The following HRH2 variants were observed in gnomAD, a reference collection of about 807,000 sequenced individuals.
HRH2 encodes the protein histamine H2 receptor.
HRH2 carries 4 observed loss-of-function variants against 20.1 expected under a neutral mutation model. The ratio of observed to expected loss-of-function variants is 0.20; its 90% CI spans 0.10 to 0.45. The LOEUF (loss-of-function observed/expected upper bound fraction) is 0.45. HRH2 is among the 20% of genes least tolerant of loss of function. HRH2 has a pLI of 0.99. For synonymous variants in HRH2, 197 were observed against 200.7 expected (o/e 0.98, Z 0.16); for missense variants, 250 against 461.6 (o/e 0.54, Z 4.20).
intron 1 of HRH2, among the ~76,000 whole-genome samples, chr5:175,663,767 A>G (rs552276907): frequency 6.6e-6 from 1 of 152,318 alleles, no homozygotes; most frequent in Non-Finnish European, 1.5e-5. Context: ...GCCCCCCTCT[A>G]GCACACTTCA....
rs1452555097 is a variant in HRH2 at position 175,681,037 on chromosome 5, A to G, written c.-525-1672A>G. 6.6e-6 allele frequency among the ~76,000 whole-genome samples: 1 copy of G among 152,170 alleles called. No homozygotes were observed. The highest frequency in any genetic ancestry group is 2.4e-5 in the African/African-American group (1 of 41,424). ...GACCCCTCATCCAAACATGAACTCA[A>G]ATGTCAGCCTGATGCCAAAATACCT... On this transcript the variant is annotated intron_variant, in intron 1 of 2. Transcript: ENST00000636584. This position sits in a 1 kb window ranked among gnomAD's most constrained non-coding sequence, Gnocchi z 4.3.
chr5:175,695,671 C>T (rs1212782060), intron 2 of HRH2, among the ~76,000 whole-genome samples: 2 of 152,318 alleles, frequency 1.3e-5, no homozygotes, highest in African/African-American at 4.8e-5. Context: ...CCAGCGACAT[C>T]GGAAGGTTAT....
rs1304695193 is a variant in HRH2, at chr5:175,681,586, T to G, written c.-525-1123T>G. On this transcript the variant is annotated intron_variant, in intron 1 of 2. Coordinates refer to ENST00000636584, the MANE Select transcript of HRH2 (RefSeq NM_001367711.1). This position sits in a 1 kb window ranked among gnomAD's most constrained non-coding sequence, Gnocchi z 4.3. ...TACAGCCACCACTGGGAGGGAGCCT[T>G]GGAGATTACCTAGTGACCAGGGGCT... is the stretch of plus-strand genomic sequence containing the variant. Among the ~76,000 whole-genome samples, 1 of 152,154 alleles carries G rather than the reference T, an allele frequency of 6.6e-6. No individual in the cohort carries two copies. Among genetic ancestry groups the G allele is most frequent in the Non-Finnish European group, 1.5e-5 (1 of 68,004 alleles).
intron 2 of HRH2, among the ~76,000 whole-genome samples, chr5:175,697,806 A>G (rs11953457): frequency 0.22 from 33,195 of 152,022 alleles, 6,827 homozygotes; most frequent in African/African-American, 0.55. Flanking sequence ...TCAGCCCCAT[A>G]CTTCTTCCTC....
rs1355661180 is a variant in HRH2 at position 175,693,575 on chromosome 5, G to T, written c.1076+9266G>T. Among the ~76,000 whole-genome samples, 1 of 152,174 alleles carries T rather than the reference G, an allele frequency of 6.6e-6. No homozygotes were observed. Among genetic ancestry groups the T allele is most frequent in the African/African-American group, 2.4e-5 (1 of 41,432 alleles). ...GGACTGGCTGTCCCCAGTGCCCAGAGGATTCAAGGAACTTCTCCTTCTCAT... is the reference window on the plus strand; with the variant it reads ...GGACTGGCTGTCCCCAGTGCCCAGATGATTCAAGGAACTTCTCCTTCTCAT... On this transcript the variant is annotated intron_variant, in intron 2 of 2. Coordinates refer to ENST00000636584, the MANE Select transcript of HRH2 (RefSeq NM_001367711.1). This position sits in a 1 kb window ranked among gnomAD's most constrained non-coding sequence, Gnocchi z 4.4.
At chr5:175,692,049 T>TG (rs1200180332) in intron 2 of HRH2, among the ~76,000 whole-genome samples, 1 of 152,094 alleles carries the variant, frequency 6.6e-6, no homozygotes, top group Non-Finnish European at 1.5e-5. Context: ...CACAACCGTA[T>TG]GGGGGCTGCA....
At chr5:175,664,109 G>T (rs56693056) in intron 1 of HRH2, among the ~76,000 whole-genome samples, 1 of 152,106 alleles carries the variant, frequency 6.6e-6, no homozygotes, top group Admixed American at 6.5e-5. Flanking sequence ...CTGCAGGAGC[G>T]TGTGGCAGCT....
intron 2 of HRH2, among the ~76,000 whole-genome samples, chr5:175,706,053 C>T (rs896419805): frequency 2.0e-5 from 3 of 152,086 alleles, no homozygotes; most frequent in African/African-American, 4.8e-5. Flanking sequence ...TAAACAATAA[C>T]AAAAGGTTAG....
chr5:175,688,021 C>T (rs1342885839), intron 2 of HRH2, among the ~76,000 whole-genome samples: 2 of 152,200 alleles, frequency 1.3e-5, no homozygotes, highest in Non-Finnish European at 2.9e-5. Context: ...CCTTTCCCCA[C>T]TTGTAGGCAG....
chr5:175,690,216 G>T (rs959407066), intron 2 of HRH2, among the ~76,000 whole-genome samples: 2 of 152,328 alleles, frequency 1.3e-5, no homozygotes, highest in South Asian at 2.1e-4. Flanking sequence ...CCGCCACTCG[G>T]GAACCTGCTG....
intron 2 of HRH2, chr5:175,685,325 A>G (rs76827388): frequency 0.066 from 88,081 of 1,337,186 alleles, 9,966 homozygotes; most frequent in African/African-American, 0.48. Context: ...TAGCTGCTGA[A>G]AAGAGCAAAT....
At chr5:175,685,863 T>A in intron 2 of HRH2, 1 of 218,522 alleles carries the variant, frequency 4.6e-6, no homozygotes, top group Non-Finnish European at 9.0e-6. Flanking sequence ...CAACAAGGGC[T>A]CCAGGTTCTG....
chr5:175,665,653 G>A (rs982646118), intron 1 of HRH2, among the ~76,000 whole-genome samples: 1 of 152,128 alleles, frequency 6.6e-6, no homozygotes, highest in Non-Finnish European at 1.5e-5. Flanking sequence ...ACACTCCCAG[G>A]GCCAGAGATG....
In HRH2 at chr5:175,707,821, G is replaced by A. The variant is rs113333731; in HGVS notation, c.1119G>A (p.Leu373=). The A allele has an allele frequency of 4.9e-4, 194 of 399,206 alleles. No homozygotes were observed. The highest frequency in any genetic ancestry group is 7.2e-4 in the Non-Finnish European group (163 of 226,176). 24.7% of individuals were successfully genotyped at this position (399,206 alleles called of 1,614,324 possible). A position where few individuals can be genotyped will look rare whatever the true frequency, so the allele number is the denominator to read the frequency against. ...GCACTACGTGCTCCAGCAACCTCCT[G>A]AGCTGCTGCAAGAGCCTGTGGGGGC... is the stretch of plus-strand genomic sequence containing the variant. ...LSCTTCSSNL[L]SCCKSLWGLR... is the part of the protein sequence containing the mutation. The change falls in exon 3 of 3, where the codon CTG becomes CTA. Residue 373 remains leucine (L), a synonymous_variant. Transcript: ENST00000636584.
intron 1 of HRH2, among the ~76,000 whole-genome samples, chr5:175,682,152 G>A (rs185446233): frequency 4.6e-5 from 7 of 152,330 alleles, no homozygotes; most frequent in East Asian, 1.9e-4. Flanking sequence ...AGGCAGAGCC[G>A]AGCCGTCACA....
Position 175,709,907 on chromosome 5 carries a change from C to T in HRH2, c.*1936C>T, listed in dbSNP as rs551639237. On this transcript the variant is annotated 3_prime_UTR_variant, in exon 3 of 3. Coordinates refer to ENST00000636584, the MANE Select transcript of HRH2 (RefSeq NM_001367711.1). ...CTGGGCCCTCTCCAGCCTCCCCCTGCGCCAGGCCTCCTCCGTCACTTCACT... is the reference window on the plus strand; with the variant it reads ...CTGGGCCCTCTCCAGCCTCCCCCTGTGCCAGGCCTCCTCCGTCACTTCACT... The T allele has an allele frequency of 9.0e-4, 137 of 153,048 alleles. No homozygotes were observed. The highest frequency in any genetic ancestry group is 2.5e-3 in the African/African-American group (105 of 41,574). The allele number at this position is 153,048 out of a possible 1,614,324, so 9.5% of individuals were successfully genotyped here.
chr5:175,701,925 C>A (rs930573244), intron 2 of HRH2, among the ~76,000 whole-genome samples: 2 of 152,168 alleles, frequency 1.3e-5, no homozygotes, highest in African/African-American at 4.8e-5. Flanking sequence ...AAAGACGGGC[C>A]GTGGGACCGT....
chr5:175,705,579 A>G (rs750930954), intron 2 of HRH2, among the ~76,000 whole-genome samples: 2 of 151,982 alleles, frequency 1.3e-5, no homozygotes, highest in Non-Finnish European at 2.9e-5. Flanking sequence ...CTTATGCCCA[A>G]TCTTTTGTTT....
intron 1 of HRH2, among the ~76,000 whole-genome samples, chr5:175,671,332 T>C (rs188186372): frequency 2.6e-5 from 4 of 152,346 alleles, no homozygotes; most frequent in African/African-American, 9.6e-5. Context: ...TGCTGATATC[T>C]TTAAGGTGAC....
Sources: gnomAD v4.1 joint callset for allele counts (sites outside exome capture counted in the v4.1 genomes callset) on GRCh38, gnomAD v4.1.1 for gene constraint, Gnocchi (gnomAD v3.1) non-coding constraint, MANE v1.5 for transcripts, NCBI Gene and HGNC (gene_info 2026-07-23, HGNC 2026-07-21) for gene names.